Variants in ESRRG observed in about 807,000 individuals in gnomAD.
ESRRG encodes the protein estrogen-related receptor gamma.
ESRRG carries 13 observed loss-of-function variants against 44.0 expected under a neutral mutation model. The ratio of observed to expected loss-of-function variants is 0.30; its 90% CI spans 0.19 to 0.47. The LOEUF (loss-of-function observed/expected upper bound fraction) is 0.47, where lower values mean the gene tolerates loss of function less well. Among genes scored for constraint, ESRRG ranks in the 20% least tolerant of loss-of-function variants. The pLI is 1.00. For missense variants in ESRRG, 395 were observed against 580.6 expected (o/e 0.68, Z 3.29); for synonymous variants, 215 against 214.6 (o/e 1.00, Z -0.02).
chr1:216,512,964 G>A (rs1382523852), intron 6 of ESRRG, among the ~76,000 whole-genome samples: 1 of 152,138 alleles, frequency 6.6e-6, no homozygotes, highest in Non-Finnish European at 1.5e-5. Context: ...CCCAGGAGCT[G>A]GAAAAGGTCA....
At chr1:216,631,181 A>G (rs1054094118) in intron 3 of ESRRG, among the ~76,000 whole-genome samples, 3 of 152,166 alleles carry the variant, frequency 2.0e-5, no homozygotes, top group Non-Finnish European at 4.4e-5. Context: ...TAAACTTTCA[A>G]GGATGGAACT....
At chr1:217,031,166 G>A (rs13374296) in intron 1 of ESRRG, among the ~76,000 whole-genome samples, 26,649 of 152,114 alleles carry the variant, frequency 0.18, 2,589 homozygotes, top group East Asian at 0.45. Flanking sequence ...CTATGTTGTA[G>A]AAACCATGTG....
At chr1:216,659,683 A>T (rs1307252241) in intron 2 of ESRRG, among the ~76,000 whole-genome samples, 7 of 152,136 alleles carry the variant, frequency 4.6e-5, no homozygotes, top group African/African-American at 1.7e-4. Flanking sequence ...TGCTGCTTCT[A>T]TCATTTCTTC....
intron 1 of ESRRG, among the ~76,000 whole-genome samples, chr1:217,004,480 T>C (rs1294405937): frequency 6.6e-6 from 1 of 152,178 alleles, no homozygotes; most frequent in Non-Finnish European, 1.5e-5. Flanking sequence ...CCTTCTGCCA[T>C]GATTGAGGCC....
At chr1:216,623,234 C>A (rs1574291384) in intron 3 of ESRRG, among the ~76,000 whole-genome samples, 1 of 151,936 alleles carries the variant, frequency 6.6e-6, no homozygotes, top group African/African-American at 2.4e-5. Flanking sequence ...AGGGGCCCAC[C>A]ACCACGCCCG....
intron 6 of ESRRG, among the ~76,000 whole-genome samples, chr1:216,513,154 G>A (rs915382688): frequency 4.6e-5 from 7 of 152,070 alleles, no homozygotes; most frequent in East Asian, 1.9e-4. Flanking sequence ...TCATATACTC[G>A]TTAAGGTCTA....
intron 1 of ESRRG, among the ~76,000 whole-genome samples, chr1:216,954,907 T>C (rs985074008): frequency 6.6e-5 from 10 of 152,264 alleles, no homozygotes; most frequent in South Asian, 2.1e-4. Context: ...CTGTTCCCTT[T>C]ACTTTTAGTT....
At chr1:216,731,579 A>G (rs2088784569) in intron 2 of ESRRG, among the ~76,000 whole-genome samples, 1 of 152,248 alleles carries the variant, frequency 6.6e-6, no homozygotes, top group African/African-American at 2.4e-5. Flanking sequence ...AAAAGAGAGT[A>G]AGATTCCCTG....
intron 1 of ESRRG, among the ~76,000 whole-genome samples, chr1:217,123,600 G>A (rs181589146): frequency 1.5e-4 from 23 of 152,142 alleles, no homozygotes; most frequent in Admixed American, 1.1e-3. Context: ...CATGTCCTTC[G>A]CAGGGGCATG....
chr1:216,695,190 T>C (rs1252171177), intron 1 of ESRRG, among the ~76,000 whole-genome samples: 1 of 151,902 alleles, frequency 6.6e-6, no homozygotes, highest in African/African-American at 2.4e-5. Context: ...TTTGACAAAG[T>C]ACGATTTTTA....
At chr1:217,051,555 T>C (rs1450635242) in intron 1 of ESRRG, among the ~76,000 whole-genome samples, 1 of 152,172 alleles carries the variant, frequency 6.6e-6, no homozygotes, top group Non-Finnish European at 1.5e-5. Flanking sequence ...TGCACCCCAC[T>C]GGCATGGGCC....
Position 216,990,987 on chromosome 1 carries a change from T to C in ESRRG, c.-105-51314A>G, listed in dbSNP as rs574343988. ...CATCCATGGCCTGTTAGGAAACTGG[T>C]TGCATAGCAGGAGGTGAGTGACAGG... On this transcript the variant is annotated intron_variant, in intron 1 of 7. Transcript: ENST00000359162. Among the ~76,000 whole-genome samples, 79 of 152,154 alleles carry C rather than the reference T, an allele frequency of 5.2e-4. 1 individual carries two copies. The highest frequency in any genetic ancestry group is 2.3e-3 in the South Asian group (11 of 4,814).
chr1:216,838,105 T>A (rs548383726), intron 2 of ESRRG, among the ~76,000 whole-genome samples: 12 of 152,296 alleles, frequency 7.9e-5, no homozygotes, highest in African/African-American at 2.9e-4. Context: ...GACAGTTGAC[T>A]GTTGCATTCC....
intron 5 of ESRRG, among the ~76,000 whole-genome samples, chr1:216,536,445 A>C (rs900665296): frequency 6.6e-6 from 1 of 152,070 alleles, no homozygotes; most frequent in African/African-American, 2.4e-5. Flanking sequence ...GAAATATCTC[A>C]TTTCCAAAAC....
intron 3 of ESRRG, among the ~76,000 whole-genome samples, chr1:216,614,737 T>C (rs1410547243): frequency 6.6e-6 from 1 of 152,240 alleles, no homozygotes; most frequent in Non-Finnish European, 1.5e-5. Context: ...TCAATTGCAA[T>C]GTCTCTTGGC....
At chr1:217,114,667 C>CTT (rs139701773) in intron 1 of ESRRG, among the ~76,000 whole-genome samples, 167 of 107,214 alleles carry the variant, frequency 1.6e-3, no homozygotes, top group South Asian at 3.5e-3. Flanking sequence ...CAAAAGATTT[C>CTT]TTTTTTTTTT....
chr1:216,705,741 A>AT (rs2082324316), intron 1 of ESRRG, among the ~76,000 whole-genome samples: 1 of 152,140 alleles, frequency 6.6e-6, no homozygotes. Context: ...CTTTCCTTCT[A>AT]TTTATTTATA....
intron 1 of ESRRG, among the ~76,000 whole-genome samples, chr1:217,067,615 C>G (rs1444325682): frequency 6.6e-6 from 1 of 152,164 alleles, no homozygotes; most frequent in Admixed American, 6.5e-5. Context: ...AATCTATGGT[C>G]AAATGCTGGC....
Position 216,659,409 on chromosome 1 carries a change from T to C in ESRRG, c.473-8320A>G, listed in dbSNP as rs993358347. On this transcript the variant is annotated intron_variant, in intron 2 of 6. Coordinates refer to ENST00000408911, the MANE Select transcript of ESRRG (RefSeq NM_001438.4). ...AGTACCGAAATGTCTGAGAAGTGAG[T>C]TTGTGAGGCATCAACCACATCTCAT... Among the ~76,000 whole-genome samples, 30 of 152,186 alleles carry C rather than the reference T, an allele frequency of 2.0e-4. 1 individual carries two copies. In the East Asian group the frequency reaches 3.1e-3, roughly 16 times the overall value.
Sources: allele counts gnomAD v4.1 joint callset (sites outside exome capture counted in the v4.1 genomes callset), GRCh38; gene constraint gnomAD v4.1.1; transcripts MANE v1.5; gene names NCBI Gene and HGNC (gene_info 2026-07-23, HGNC 2026-07-21).